Variants in TAFA2 observed in about 807,000 individuals in gnomAD.
TAFA2 encodes chemokine-like protein TAFA-2.
In TAFA2, 7 loss-of-function variants were observed where a neutral mutation model predicts 18.8. The observed-to-expected ratio is 0.37, with a 90% confidence interval of 0.21 to 0.70. The LOEUF is 0.70. Ranked by LOEUF, TAFA2 falls within the 30% of genes least tolerant of loss-of-function variation. The pLI is 0.53. For missense variants in TAFA2, 122 were observed against 158.1 expected (o/e 0.77, Z 1.23); for synonymous variants, 60 against 54.2 (o/e 1.11, Z -0.47).
At chr12:61,957,652 G>A (rs931964110) in intron 1 of TAFA2, among the ~76,000 whole-genome samples, 13 of 152,208 alleles carry the variant, frequency 8.5e-5, no homozygotes, top group Non-Finnish European at 1.5e-4. Flanking sequence ...TAGAGAAGAC[G>A]TTCAGAGGAG....
At chr12:61,799,739 A>G (rs569584710) in intron 2 of TAFA2, among the ~76,000 whole-genome samples, 64 of 152,184 alleles carry the variant, frequency 4.2e-4, no homozygotes, top group Non-Finnish European at 7.2e-4. Flanking sequence ...GAAGAATGGC[A>G]TGAACCCGGG....
chr12:62,074,525 T>C (rs1288640699), intron 1 of TAFA2, among the ~76,000 whole-genome samples: 1 of 152,168 alleles, frequency 6.6e-6, no homozygotes, highest in South Asian at 2.1e-4. Flanking sequence ...CATTTTCGTT[T>C]AGCTAACAAA....
chr12:61,951,634 A>G (rs1404991579), intron 1 of TAFA2, among the ~76,000 whole-genome samples: 1 of 152,114 alleles, frequency 6.6e-6, no homozygotes, highest in Non-Finnish European at 1.5e-5. Context: ...TGAAGGGCAT[A>G]GAAGAAAAAG....
chr12:62,163,132 G>C (rs1454000107), intron 1 of TAFA2, among the ~76,000 whole-genome samples: 1 of 152,016 alleles, frequency 6.6e-6, no homozygotes, highest in Non-Finnish European at 1.5e-5. Context: ...CCAAATGCCA[G>C]GATAAAGACT....
intron 2 of TAFA2, among the ~76,000 whole-genome samples, chr12:61,775,404 T>A (rs960967629): frequency 6.6e-6 from 1 of 151,734 alleles, no homozygotes; most frequent in African/African-American, 2.4e-5. Context: ...AAAGAAGATA[T>A]CCTTCAACAG....
intron 4 of TAFA2, among the ~76,000 whole-genome samples, chr12:61,723,799 T>A (rs1323898976): frequency 6.6e-6 from 1 of 152,120 alleles, no homozygotes; most frequent in African/African-American, 2.4e-5. Context: ...TGCTGGCATA[T>A]TCATTACAGT....
intron 4 of TAFA2, among the ~76,000 whole-genome samples, chr12:61,718,396 T>C (rs1159589416): frequency 1.3e-5 from 2 of 152,200 alleles, no homozygotes; most frequent in Non-Finnish European, 2.9e-5. Flanking sequence ...ATAAATTCCT[T>C]TGACACTTTA....
At chr12:61,713,297 A>G (rs922200196) in intron 4 of TAFA2, among the ~76,000 whole-genome samples, 2 of 152,106 alleles carry the variant, frequency 1.3e-5, no homozygotes, top group African/African-American at 4.8e-5. Context: ...CGTTTTCTCT[A>G]TGTCACTTTC....
intron 1 of TAFA2, among the ~76,000 whole-genome samples, chr12:62,027,226 T>G (rs1881334052): frequency 6.6e-6 from 1 of 152,178 alleles, no homozygotes; most frequent in African/African-American, 2.4e-5. Flanking sequence ...TATTTTGAAA[T>G]GCACTTGTGT....
intron 1 of TAFA2, among the ~76,000 whole-genome samples, chr12:61,946,017 G>C (rs1415020928): frequency 8.7e-6 from 1 of 115,606 alleles, no homozygotes; most frequent in Non-Finnish European, 1.7e-5. Flanking sequence ...TAAGCCAAAA[G>C]AACAAAGCTG....
intron 2 of TAFA2, among the ~76,000 whole-genome samples, chr12:61,857,112 T>C (rs561770781): frequency 1.4e-3 from 206 of 152,106 alleles, no homozygotes; most frequent in Non-Finnish European, 2.7e-3. Context: ...TTCTAAAATA[T>C]AAAAACATTG....
chr12:61,843,857 A>T (rs1873292457), intron 2 of TAFA2, among the ~76,000 whole-genome samples: 1 of 152,150 alleles, frequency 6.6e-6, no homozygotes, highest in Non-Finnish European at 1.5e-5. Context: ...TCAGCTGAAG[A>T]CTGGTCAGGA....
intron 1 of TAFA2, among the ~76,000 whole-genome samples, chr12:61,935,963 T>TA (rs1877748011): frequency 6.6e-6 from 1 of 152,070 alleles, no homozygotes; most frequent in Non-Finnish European, 1.5e-5. Context: ...GAAACTATCC[T>TA]AAAAGATTAA....
At chr12:62,125,507 AC>A (rs1253757688) in intron 1 of TAFA2, among the ~76,000 whole-genome samples, 3 of 152,134 alleles carry the variant, frequency 2.0e-5, no homozygotes, top group Non-Finnish European at 4.4e-5. Flanking sequence ...AGACATCTTT[AC>A]TAAAACGGTT....
At chr12:61,804,558 A>C (rs747409487) in intron 2 of TAFA2, among the ~76,000 whole-genome samples, 3 of 152,028 alleles carry the variant, frequency 2.0e-5, no homozygotes, top group African/African-American at 4.8e-5. Context: ...TTGAGTTAGG[A>C]ACTTCATTTT....
At chr12:61,852,237 C>CAGA (rs895391639) in intron 2 of TAFA2, among the ~76,000 whole-genome samples, 3 of 150,152 alleles carry the variant, frequency 2.0e-5, no homozygotes, top group Non-Finnish European at 4.4e-5. Flanking sequence ...TGCAATAGTT[C>CAGA]AGAGAAAATA....
At chr12:62,081,830 C>T (rs914595130) in intron 1 of TAFA2, among the ~76,000 whole-genome samples, 11 of 152,054 alleles carry the variant, frequency 7.2e-5, no homozygotes, top group Non-Finnish European at 1.6e-4. Context: ...GCAGGATGTG[C>T]AGGTTTGTTA....
chr12:61,974,172 T>C (rs958854145), intron 1 of TAFA2, among the ~76,000 whole-genome samples: 3 of 151,758 alleles, frequency 2.0e-5, no homozygotes, highest in Admixed American at 6.6e-5. Flanking sequence ...AATTGAATCT[T>C]TCAATCTCTA....
At chr12:61,781,434 G>A (rs1056982513) in intron 2 of TAFA2, among the ~76,000 whole-genome samples, 3 of 151,776 alleles carry the variant, frequency 2.0e-5, no homozygotes, top group Non-Finnish European at 2.9e-5. Context: ...TAGTGAAGAT[G>A]TTTGTTTTAT....
Sources: gnomAD v4.1 joint callset for allele counts (sites outside exome capture counted in the v4.1 genomes callset) on GRCh38, gnomAD v4.1.1 for gene constraint, MANE v1.5 for transcripts, NCBI Gene and HGNC (gene_info 2026-07-23, HGNC 2026-07-21) for gene names.